Variants in CADPS2 observed in about 807,000 individuals in gnomAD.
The protein encoded by CADPS2 is calcium-dependent secretion activator 2.
Under a neutral mutation model 172.5 loss-of-function variants are expected in CADPS2, and 93 were observed. That is an observed-to-expected ratio of 0.54 (90% CI 0.46 to 0.64). CADPS2 has a LOEUF of 0.64. Among genes scored for constraint, CADPS2 ranks in the 30% least tolerant of loss-of-function variants. The probability of loss-of-function intolerance (pLI) is 0.00; values close to 1 mark genes in which losing one functional copy is unlikely to be tolerated. For synonymous variants in CADPS2, 546 were observed against 555.2 expected (o/e 0.98, Z 0.23); for missense variants, 1,420 against 1,565.9 (o/e 0.91, Z 1.57).
At chr7:122,632,415 G>A (rs2076662909) in intron 3 of CADPS2, among the ~76,000 whole-genome samples, 1 of 152,018 alleles carries the variant, frequency 6.6e-6, no homozygotes, top group African/African-American at 2.4e-5. Context: ...GCTGTGAGAT[G>A]GTATCTATCT....
chr7:122,666,980 A>C (rs1446133359), intron 2 of CADPS2, among the ~76,000 whole-genome samples: 5 of 152,086 alleles, frequency 3.3e-5, no homozygotes, highest in Non-Finnish European at 5.9e-5. Context: ...GCCCTGGGGG[A>C]GGGGGTGCCT....
intron 19 of CADPS2, among the ~76,000 whole-genome samples, chr7:122,413,322 A>G (rs2047524369): frequency 6.6e-6 from 1 of 152,216 alleles, no homozygotes; most frequent in South Asian, 2.1e-4. Flanking sequence ...AAAGGAACTT[A>G]AACTATCTTT....
Position 122,878,639 on chromosome 7 carries a change from CAAATAAATAAATAAAT to C in CADPS2, c.339+7344_339+7359del, listed in dbSNP as rs59190953. Reference sequence around the variant, plus strand: ...TGGGCGACAGAGCAAGACTCTGTCTCAAATAAATAAATAAATAAATAAATAAATAAATAAATAAATA... The same window carrying C: ...TGGGCGACAGAGCAAGACTCTGTCTCAAATAAATAAATAAATAAATAAATA... On this transcript the variant is annotated intron_variant, in intron 1 of 29. Coordinates refer to ENST00000449022, the MANE Select transcript of CADPS2 (RefSeq NM_017954.11). 3.8e-3 allele frequency among the ~76,000 whole-genome samples: 527 copies of C among 138,994 alleles called. 4 individuals are homozygous for C. Among genetic ancestry groups the C allele is most frequent in the African/African-American group, 6.4e-3 (238 of 37,074 alleles). The allele number at this position is 138,994 out of a possible 152,430, so 91.2% of individuals were successfully genotyped here.
intron 1 of CADPS2, among the ~76,000 whole-genome samples, chr7:122,758,988 T>C (rs946479723): frequency 7.1e-6 from 1 of 141,562 alleles, no homozygotes; most frequent in African/African-American, 2.9e-5. Context: ...ATCCTAGGAT[T>C]TTCTTATTTC....
At chr7:122,577,000 A>T (rs937375930) in intron 7 of CADPS2, among the ~76,000 whole-genome samples, 2 of 151,920 alleles carry the variant, frequency 1.3e-5, no homozygotes, top group Non-Finnish European at 2.9e-5. Flanking sequence ...ACCTCAGGTG[A>T]TCCCCCTGCC....
At chr7:122,748,810 T>C (rs2092827780) in intron 1 of CADPS2, among the ~76,000 whole-genome samples, 1 of 152,030 alleles carries the variant, frequency 6.6e-6, no homozygotes, top group South Asian at 2.1e-4. Context: ...ACCTTTAATG[T>C]AGTTAGAATG....
chr7:122,490,029 A>T (rs2058147805), intron 11 of CADPS2, 52 bp downstream of exon 11: 1 of 1,492,644 alleles, frequency 6.7e-7, no homozygotes, highest in Non-Finnish European at 9.3e-7. Flanking sequence ...TCAATTTTAT[A>T]TCTTATTAAG....
chr7:122,346,496 TGAA>T (rs1416489961), intron 27 of CADPS2, among the ~76,000 whole-genome samples: 1 of 152,218 alleles, frequency 6.6e-6, no homozygotes, highest in Non-Finnish European at 1.5e-5. Context: ...TAAAATATTT[TGAA>T]GAAGATATTG....
intron 8 of CADPS2, among the ~76,000 whole-genome samples, chr7:122,528,190 T>A (rs2061437450): frequency 1.3e-5 from 2 of 151,902 alleles, no homozygotes; most frequent in South Asian, 4.2e-4. Flanking sequence ...TCAACTTAAC[T>A]TGTTTGAAGG....
intron 4 of CADPS2, among the ~76,000 whole-genome samples, chr7:122,628,901 G>A (rs185498765): frequency 6.9e-4 from 104 of 151,310 alleles, no homozygotes; most frequent in African/African-American, 2.5e-3. Context: ...ATGATTTTGC[G>A]GGGAGGAGTT....
intron 1 of CADPS2, 36 bp from the exon 2 acceptor site, chr7:122,737,104 C>A (rs758589112): frequency 1.8e-5 from 19 of 1,085,080 alleles, no homozygotes; most frequent in Non-Finnish European, 1.7e-5. Flanking sequence ...GATAAATTGG[C>A]CAGTACATGA....
At chr7:122,747,188 C>A (rs2092753542) in intron 1 of CADPS2, among the ~76,000 whole-genome samples, 2 of 151,958 alleles carry the variant, frequency 1.3e-5, no homozygotes, top group Admixed American at 1.3e-4. Context: ...GTTCTCATTG[C>A]AATAGAAAGC....
chr7:122,533,176 T>C (rs2061934421), intron 8 of CADPS2, among the ~76,000 whole-genome samples: 1 of 152,088 alleles, frequency 6.6e-6, no homozygotes, highest in African/African-American at 2.4e-5. Context: ...GCTAGAGAAA[T>C]TCCTTGAAAG....
chr7:122,444,545 A>G (rs764532948), intron 15 of CADPS2, among the ~76,000 whole-genome samples: 5 of 152,132 alleles, frequency 3.3e-5, no homozygotes, highest in Admixed American at 6.5e-5. Flanking sequence ...ATGGTTTCAA[A>G]TTGCAATTCC....
intron 2 of CADPS2, among the ~76,000 whole-genome samples, chr7:122,734,108 G>A (rs938636847): frequency 6.6e-6 from 1 of 151,734 alleles, no homozygotes; most frequent in Admixed American, 6.6e-5. Context: ...GTCAGCTATG[G>A]TGGTATGAGG....
At chr7:122,505,655 CAG>C (rs1586706072) in intron 9 of CADPS2, among the ~76,000 whole-genome samples, 1 of 152,090 alleles carries the variant, frequency 6.6e-6, no homozygotes, top group Non-Finnish European at 1.5e-5. Context: ...CAACAACTAA[CAG>C]AGCTGTCACT....
rs147253900 is a variant in CADPS2, at chr7:122,761,326, T to C, written c.340-24258A>G. ...ACATGGGCAGCCAGGCCAATACTCA[T>C]CTCTGAGGAATCAAACTAAGCCCAC... is the stretch of plus-strand genomic sequence containing the variant. On this transcript the variant is annotated intron_variant, in intron 1 of 29. Transcript: ENST00000449022. Among the ~76,000 whole-genome samples, 452 of 152,234 alleles carry C rather than the reference T, an allele frequency of 3.0e-3. 5 individuals are homozygous for C. Among genetic ancestry groups the C allele is most frequent in the African/African-American group, 0.011 (445 of 41,542 alleles).
chr7:122,657,663 T>A (rs2079976013), intron 3 of CADPS2, among the ~76,000 whole-genome samples: 1 of 152,210 alleles, frequency 6.6e-6, no homozygotes, highest in East Asian at 1.9e-4. Context: ...TGATTTTGTA[T>A]CCTGAGATTT....
chr7:122,603,532 A>G (rs1053144530), intron 6 of CADPS2, among the ~76,000 whole-genome samples: 4 of 152,068 alleles, frequency 2.6e-5, no homozygotes, highest in Non-Finnish European at 4.4e-5. Context: ...CCTGAAGAAT[A>G]TAACGATTGG....
Sources: allele counts gnomAD v4.1 joint callset (sites outside exome capture counted in the v4.1 genomes callset), GRCh38; gene constraint gnomAD v4.1.1; transcripts MANE v1.5; gene names NCBI Gene and HGNC (gene_info 2026-07-23, HGNC 2026-07-21).